CMTM6: variants seen among roughly 807,000 people sequenced by gnomAD.
CMTM6 encodes the protein CKLF like MARVEL transmembrane domain containing 6.
CMTM6 carries 5 observed loss-of-function variants against 13.6 expected under a neutral mutation model. That is an observed-to-expected ratio of 0.37 (90% CI 0.19 to 0.77). The LOEUF is 0.77. Ranked by LOEUF, CMTM6 falls within the 30% of genes least tolerant of loss-of-function variation. The pLI is 0.50. For synonymous variants in CMTM6, 99 were observed against 84.5 expected, an observed-to-expected ratio of 1.17 and a Z score of -0.94; for missense variants, 196 against 218.6, an observed-to-expected ratio of 0.90 and a Z score of 0.65.
chr3:32,483,769 ATTTT>A lies in CMTM6; in HGVS notation c.*187_*190del, dbSNP rs1355930368. 7 of 416,590 alleles carry A rather than the reference ATTTT, an allele frequency of 1.7e-5. No individual in the cohort carries two copies. Among genetic ancestry groups the A allele is most frequent in the Non-Finnish European group, 2.4e-5 (6 of 250,430 alleles). The allele number at this position is 416,590 out of a possible 1,614,324, so 25.8% of individuals were successfully genotyped here. On this transcript the variant is annotated 3_prime_UTR_variant, in exon 4 of 4. Transcript: ENST00000205636. ...AGTTTCAATTATTATTTAAAAAAAAATTTTTTTTAACTTATCTGGCCTACTTTGT... is the reference window on the plus strand; with the variant it reads ...AGTTTCAATTATTATTTAAAAAAAAATTTTAACTTATCTGGCCTACTTTGT...
At chr3:32,488,162 C>T in intron 2 of CMTM6, 126 bp from the exon 3 acceptor site, 1 of 633,030 alleles carries the variant, frequency 1.6e-6, no homozygotes, top group East Asian at 2.8e-5. Flanking sequence ...CCCAAACTTA[C>T]ATACCCAAAC....
intron 3 of CMTM6, 30 bp from the exon 4 acceptor site, chr3:32,484,127 G>A (rs776416028): frequency 2.7e-6 from 4 of 1,498,012 alleles, no homozygotes; most frequent in Middle Eastern, 1.8e-4. Context: ...AAGGTTATAT[G>A]AGAATTTTGG....
At chr3:32,494,047 G>C (rs968825099) in intron 1 of CMTM6, among the ~76,000 whole-genome samples, 8 of 152,184 alleles carry the variant, frequency 5.3e-5, no homozygotes, top group Non-Finnish European at 1.2e-4. Flanking sequence ...CAACATGGGA[G>C]AACTGAGCAT....
intron 1 of CMTM6, among the ~76,000 whole-genome samples, chr3:32,498,800 T>C (rs1476111648): frequency 1.3e-5 from 2 of 151,662 alleles, no homozygotes; most frequent in Non-Finnish European, 2.9e-5. Context: ...GGATGGTCTC[T>C]ATCTCCTGAC....
chr3:32,498,541 A>T (rs1191513507), intron 1 of CMTM6, among the ~76,000 whole-genome samples: 1 of 151,936 alleles, frequency 6.6e-6, no homozygotes, highest in Non-Finnish European at 1.5e-5. Context: ...GGTGATTTAA[A>T]CACTGGATAA....
At chr3:32,496,948 A>G (rs1697296908) in intron 1 of CMTM6, among the ~76,000 whole-genome samples, 1 of 152,142 alleles carries the variant, frequency 6.6e-6, no homozygotes, top group African/African-American at 2.4e-5. Flanking sequence ...GCAGGAGGGA[A>G]CACCTGTCTG....
At chr3:32,488,098 T>C (rs1697220732) in intron 2 of CMTM6, 62 bp from the exon 3 acceptor site, 11 of 1,208,570 alleles carry the variant, frequency 9.1e-6, no homozygotes, top group Non-Finnish European at 1.1e-5. Context: ...AAATGAACTT[T>C]TTCATTTTTA....
rs145471589 is a variant in CMTM6, at chr3:32,494,460, C to T, written c.139-2574G>A. Among the ~76,000 whole-genome samples the T allele has an allele frequency of 6.5e-3, 988 of 152,260 alleles. 16 individuals carry two copies. The highest frequency in any genetic ancestry group is 0.023 in the African/African-American group (941 of 41,540). ...TAAAAAGGGACAAACAACAGTTCAGCGGTTTCTTTAAAAACTAAGCATATA... is the reference window on the plus strand; with the variant it reads ...TAAAAAGGGACAAACAACAGTTCAGTGGTTTCTTTAAAAACTAAGCATATA... On this transcript the variant is annotated intron_variant, in intron 1 of 3. Coordinates refer to ENST00000205636, the MANE Select transcript of CMTM6 (RefSeq NM_017801.3).
At chr3:32,495,745 AG>A (rs1373459108) in intron 1 of CMTM6, among the ~76,000 whole-genome samples, 1 of 152,236 alleles carries the variant, frequency 6.6e-6, no homozygotes, top group African/African-American at 2.4e-5. Flanking sequence ...CAGCTTGTCC[AG>A]AAGCAGTCAG....
chr3:32,488,285 C>G, intron 2 of CMTM6: 1 of 269,716 alleles, frequency 3.7e-6, no homozygotes. Flanking sequence ...TTAATAACAA[C>G]AATCCCCTAT....
intron 3 of CMTM6, among the ~76,000 whole-genome samples, chr3:32,484,634 TC>T (rs1226470548): frequency 6.6e-6 from 1 of 152,154 alleles, no homozygotes; most frequent in East Asian, 1.9e-4. Flanking sequence ...TACTTCCTCT[TC>T]CTTAAATCAC....
chr3:32,491,956 C>T (rs2125657552), intron 1 of CMTM6, 70 bp from the exon 2 acceptor site: 1 of 1,251,668 alleles, frequency 8.0e-7, no homozygotes. Context: ...AAAGCTGTTT[C>T]TGAATAATAC....
At position 32,491,853 on chromosome 3, in the gene CMTM6, C is replaced by G. The variant is rs543319973; in HGVS notation, c.172G>C (p.Val58Leu). ...LSLLAFICEE[V>L]VSQCTLCGGL... ...CCACATAAAGTACATTGTGATACAA[C>G]TTCTTCACAGATGAAGGCCAGCAGA... Residue 58 changes from valine (V) to leucine (L), a missense_variant, in exon 2 of 4, where the codon GTT (valine) becomes CTT (leucine). Coordinates refer to ENST00000205636, the MANE Select transcript of CMTM6 (RefSeq NM_017801.3). The G allele has an allele frequency of 6.2e-7, 1 of 1,611,586 alleles. No homozygotes were observed. Among genetic ancestry groups the G allele is most frequent in the African/African-American group, 1.3e-5 (1 of 74,716 alleles).
At chr3:32,487,785 G>A in intron 3 of CMTM6, 153 bp downstream of exon 3, 1 of 520,158 alleles carries the variant, frequency 1.9e-6, no homozygotes. Flanking sequence ...CTATCATATT[G>A]ATTTGCTTGT....
intron 1 of CMTM6, among the ~76,000 whole-genome samples, chr3:32,497,385 A>T (rs1697303766): frequency 8.5e-6 from 1 of 117,624 alleles, no homozygotes; most frequent in African/African-American, 4.0e-5. Flanking sequence ...TCTGTCTCAA[A>T]AAAAAAAAAA....
At chr3:32,485,959 C>T (rs932922857) in intron 3 of CMTM6, among the ~76,000 whole-genome samples, 5 of 152,194 alleles carry the variant, frequency 3.3e-5, no homozygotes, top group African/African-American at 9.7e-5. Context: ...CTCACTGCAA[C>T]CTCCGCCTCC....
chr3:32,490,203 G>A lies in CMTM6; in HGVS notation c.315+1507C>T, dbSNP rs116240620. ...GGAAGATGCAGTGAGCTGCTATTGC[G>A]CCACTGCACTCCAGCCTGGGTAACA... is the stretch of plus-strand genomic sequence containing the variant. On this transcript the variant is annotated intron_variant, in intron 2 of 3. Transcript: ENST00000205636. Among the ~76,000 whole-genome samples, 358 of 150,218 alleles carry A rather than the reference G, an allele frequency of 2.4e-3. 5 individuals are homozygous for A. The highest frequency in any genetic ancestry group is 7.9e-3 in the African/African-American group (321 of 40,740).
intron 1 of CMTM6, among the ~76,000 whole-genome samples, chr3:32,494,738 G>GA (rs999920570): frequency 1.6e-4 from 24 of 147,794 alleles, no homozygotes; most frequent in Non-Finnish European, 2.1e-4. Flanking sequence ...TTATTCAAAG[G>GA]AAAAAAAAAA....
At chr3:32,486,654 GTTTT>G (rs895772010) in intron 3 of CMTM6, among the ~76,000 whole-genome samples, 1 of 152,016 alleles carries the variant, frequency 6.6e-6, no homozygotes, top group East Asian at 1.9e-4. Context: ...GTACTCAAGG[GTTTT>G]TTTGTTTTAC....
Sources: allele counts gnomAD v4.1 joint callset (sites outside exome capture counted in the v4.1 genomes callset), GRCh38; gene constraint gnomAD v4.1.1; transcripts MANE v1.5; gene names NCBI Gene and HGNC (gene_info 2026-07-23, HGNC 2026-07-21).